The following KSR2 variants were observed in gnomAD, a reference collection of about 807,000 sequenced individuals.
The protein encoded by KSR2 is kinase suppressor of ras 2.
In KSR2, 25 loss-of-function variants were observed where a neutral mutation model predicts 107.8. The ratio of observed to expected loss-of-function variants is 0.23; its 90% confidence interval spans 0.17 to 0.32. The LOEUF (loss-of-function observed/expected upper bound fraction) is 0.32, where lower values mean the gene tolerates loss of function less well. Ranked by LOEUF, KSR2 falls within the 10% of genes least tolerant of loss-of-function variation. KSR2 has a pLI of 1.00. For synonymous variants in KSR2, 480 were observed against 507.0 expected (o/e 0.95, Z 0.71); for missense variants, 887 against 1,268.9 (o/e 0.70, Z 4.57).
chr12:117,620,202 C>A lies in KSR2; in HGVS notation c.1172-37843G>T, dbSNP rs144963336. Reference sequence around the variant, plus strand: ...AAAGATAAGGACACCAAGATCTGAACCCACGTCTAAAAGCTTTTTCTCCCT... The same window carrying A: ...AAAGATAAGGACACCAAGATCTGAAACCACGTCTAAAAGCTTTTTCTCCCT... On this transcript the variant is annotated intron_variant, in intron 5 of 19. Transcript: ENST00000339824. Among the ~76,000 whole-genome samples the A allele has an allele frequency of 9.9e-5, 15 of 152,232 alleles. No homozygotes were observed. The East Asian group carries it at 2.9e-3, about 29-fold the overall frequency.
intron 7 of KSR2, among the ~76,000 whole-genome samples, chr12:117,568,499 C>T (rs2136209022): frequency 6.6e-6 from 1 of 152,236 alleles, no homozygotes; most frequent in South Asian, 2.1e-4. Context: ...AGTCTGGGAT[C>T]GTGAATCTGA....
chr12:117,945,567 G>C (rs542001751), intron 1 of KSR2, among the ~76,000 whole-genome samples: 1 of 152,210 alleles, frequency 6.6e-6, no homozygotes, highest in Non-Finnish European at 1.5e-5. Context: ...CCAGCTACTC[G>C]GGAGGCTGAG....
chr12:117,560,445 T>C (rs1878032397), intron 7 of KSR2, among the ~76,000 whole-genome samples: 1 of 151,404 alleles, frequency 6.6e-6, no homozygotes, highest in Non-Finnish European at 1.5e-5. Context: ...ATAGGAAATA[T>C]GAGACAATGC....
intron 6 of KSR2, among the ~76,000 whole-genome samples, chr12:117,581,818 GAGA>G (rs1445056726): frequency 6.6e-6 from 1 of 152,198 alleles, no homozygotes; most frequent in Non-Finnish European, 1.5e-5. Flanking sequence ...TATTCTGGGT[GAGA>G]AGACCAAAAA....
At chr12:117,478,462 AGTCT>A (rs1592910713) in intron 16 of KSR2, among the ~76,000 whole-genome samples, 1 of 151,844 alleles carries the variant, frequency 6.6e-6, no homozygotes, top group African/African-American at 2.4e-5. Flanking sequence ...CTGCTGAGAC[AGTCT>A]GTCTATCACC....
At chr12:117,659,082 T>C (rs1884312940) in intron 5 of KSR2, among the ~76,000 whole-genome samples, 1 of 151,770 alleles carries the variant, frequency 6.6e-6, no homozygotes, top group African/African-American at 2.4e-5. Flanking sequence ...AAGAGAGGGG[T>C]TACTGGGACA....
At chr12:117,840,817 A>G (rs372924065) in intron 3 of KSR2, among the ~76,000 whole-genome samples, 1 of 147,606 alleles carries the variant, frequency 6.8e-6, no homozygotes, top group Non-Finnish European at 1.5e-5. Context: ...CCTGGCCAAC[A>G]TGGTGAAACC....
chr12:117,539,076 C>T lies in KSR2; in HGVS notation c.1687+643G>A, dbSNP rs117514132. Among the ~76,000 whole-genome samples the T allele has an allele frequency of 9.2e-5, 14 of 152,374 alleles. No individual in the cohort carries two copies. In the East Asian group the frequency reaches 2.7e-3, roughly 29 times the overall value. ...TCTACTATCATCTCATAGCCCAGTGCATACTCTCTGGTCAACAGTCCAGGT... is the reference window on the plus strand; with the variant it reads ...TCTACTATCATCTCATAGCCCAGTGTATACTCTCTGGTCAACAGTCCAGGT... On this transcript the variant is annotated intron_variant, in intron 10 of 19. Coordinates refer to ENST00000339824, the MANE Select transcript of KSR2 (RefSeq NM_173598.6).
chr12:117,779,027 T>G (rs1889790457), intron 3 of KSR2, among the ~76,000 whole-genome samples: 2 of 152,102 alleles, frequency 1.3e-5, no homozygotes, highest in African/African-American at 4.8e-5. Context: ...CTGTGCAGAT[T>G]CAGTGGGGCC....
Position 117,463,207 on chromosome 12 carries a change from C to T in KSR2, c.*3992G>A, listed in dbSNP as rs905017661. ...GGCCAAGCAGTCAACATCTGCTCCA[C>T]CCTATCCAAGGACAGGGAGTTCTCT... On this transcript the variant is annotated 3_prime_UTR_variant, in exon 20 of 20. Coordinates refer to ENST00000339824, the MANE Select transcript of KSR2 (RefSeq NM_173598.6). 3 of 152,266 alleles carry T rather than the reference C, an allele frequency of 2.0e-5. No homozygotes were observed. The highest frequency in any genetic ancestry group is 7.2e-5 in the African/African-American group (3 of 41,464). 9.4% of individuals were successfully genotyped at this position (152,266 alleles called of 1,614,324 possible).
chr12:117,770,792 C>T (rs1889417657), intron 3 of KSR2, among the ~76,000 whole-genome samples: 1 of 151,056 alleles, frequency 6.6e-6, no homozygotes, highest in African/African-American at 2.4e-5. Flanking sequence ...ACGGTGAAAC[C>T]CTGTCTCTAC....
At chr12:117,923,694 T>C (rs576412452) in intron 1 of KSR2, among the ~76,000 whole-genome samples, 159 of 152,210 alleles carry the variant, frequency 1.0e-3, no homozygotes, top group African/African-American at 3.8e-3. Context: ...TGTATGTATA[T>C]GTGTATGTGT....
chr12:117,639,892 C>T (rs1376603320), intron 5 of KSR2, among the ~76,000 whole-genome samples: 1 of 152,052 alleles, frequency 6.6e-6, no homozygotes, highest in Non-Finnish European at 1.5e-5. Flanking sequence ...ACCTTCTCCA[C>T]CACCTCCCCG....
chr12:117,939,864 C>A (rs920369363), intron 1 of KSR2, among the ~76,000 whole-genome samples: 1 of 151,392 alleles, frequency 6.6e-6, no homozygotes, highest in Admixed American at 6.6e-5. Context: ...TTGCTTGAAC[C>A]CAGGAGATGG....
rs761800759 is a variant in KSR2 at position 117,469,679 on chromosome 12, A to G, written c.2829T>C (p.His943=). 6.2e-6 allele frequency: 10 copies of G among 1,612,908 alleles called. No individual in the cohort carries two copies. The African/African-American group carries it at 1.2e-4, about 19-fold the overall frequency. The change falls in exon 19 of 20, where the codon CAT becomes CAC. Residue 943 remains histidine, a synonymous_variant. Coordinates refer to ENST00000339824, the MANE Select transcript of KSR2 (RefSeq NM_173598.6). ...AAACCTACTCTGCAGACTTCCAGAA[A>G]TGTCCAGGGTGAGACAGGCGACGGT... ...KRNRRLSHPG[H]FWKSAEL
chr12:117,492,639 T>C (rs934231925), intron 14 of KSR2, among the ~76,000 whole-genome samples: 1 of 152,166 alleles, frequency 6.6e-6, no homozygotes, highest in Non-Finnish European at 1.5e-5. Flanking sequence ...TTACCCTACA[T>C]GGCAAAGGAG....
At chr12:117,761,747 C>T (rs1889036060) in intron 3 of KSR2, among the ~76,000 whole-genome samples, 1 of 152,124 alleles carries the variant, frequency 6.6e-6, no homozygotes, top group African/African-American at 2.4e-5. Flanking sequence ...GCATGTTACA[C>T]TATATACCTG....
chr12:117,583,668 G>A (rs770235309), intron 5 of KSR2, among the ~76,000 whole-genome samples: 6 of 152,130 alleles, frequency 3.9e-5, no homozygotes, highest in Non-Finnish European at 8.8e-5. Context: ...CAAAGACCCT[G>A]TGCACCAGGT....
intron 1 of KSR2, among the ~76,000 whole-genome samples, chr12:117,902,108 A>G (rs1294148356): frequency 6.6e-6 from 1 of 152,208 alleles, no homozygotes; most frequent in Non-Finnish European, 1.5e-5. Context: ...TTTCGAACTC[A>G]GTTTAAAAAT....
Sources: allele counts gnomAD v4.1 joint callset (sites outside exome capture counted in the v4.1 genomes callset), GRCh38; gene constraint gnomAD v4.1.1; transcripts MANE v1.5; gene names NCBI Gene and HGNC (gene_info 2026-07-23, HGNC 2026-07-21).